The following LRP1 variants were observed in gnomAD, a reference collection of about 807,000 sequenced individuals.
LRP1 encodes the protein prolow-density lipoprotein receptor-related protein 1.
LRP1 carries 51 observed loss-of-function variants against 541.5 expected under a neutral mutation model. The ratio of observed to expected loss-of-function variants is 0.09; its 90% CI spans 0.08 to 0.12. LRP1 has a LOEUF of 0.12. Ranked by LOEUF, LRP1 falls within the 10% of genes least tolerant of loss-of-function variation. LRP1 has a pLI of 1.00. For synonymous variants in LRP1, 2,219 were observed against 2,470.8 expected, an observed-to-expected ratio of 0.90 and a Z score of 3.02; for missense variants, 3,878 against 6,376.2, an observed-to-expected ratio of 0.61 and a Z score of 13.34.
chr12:57,210,365 T>G lies in LRP1; in HGVS notation c.12639T>G (p.Asn4213Lys), dbSNP rs770309179. 39 of 1,603,386 alleles carry G rather than the reference T, an allele frequency of 2.4e-5. No homozygotes were observed. The highest frequency in any genetic ancestry group is 3.3e-5 in the Non-Finnish European group (39 of 1,173,952). Residue 4213 changes from asparagine (N) to lysine (K), a missense_variant, in exon 82 of 89, where the codon AAT becomes AAG. Physicochemically the swap from Asn to Lys is moderately conservative, Grantham distance 94 (BLOSUM62 0). Transcript: ENST00000243077. Reference sequence around the variant, plus strand: ...TCAACGGTGGCAGCTGTTTCCTCAATGCACGGAGGCAGCCCAAGTGCCGCT... The same window carrying G: ...TCAACGGTGGCAGCTGTTTCCTCAAGGCACGGAGGCAGCCCAAGTGCCGCT... ...QCFNGGSCFL[N>K]ARRQPKCRCQ...
chr12:57,184,263 T>C lies in LRP1; in HGVS notation c.6059+49T>C. The stretch of plus-strand genomic sequence containing the variant: ...TTGTCATTCTGCCCATGGCCCATGC[T>C]GATGAGGCCCTGTCTCCTCCAGGGT... On this transcript the variant is annotated intron_variant, in intron 37 of 88. Transcript: ENST00000243077. The surrounding 1 kb of genome is among the most constrained non-coding windows in gnomAD (Gnocchi z 7.8). The C allele has an allele frequency of 1.9e-6, 3 of 1,613,710 alleles. No individual in the cohort carries two copies. The highest frequency in any genetic ancestry group is 2.7e-5 in the African/African-American group (2 of 75,054).
In LRP1 at chr12:57,179,200, C is replaced by G; in HGVS notation, c.4739-129C>G. On this transcript the variant is annotated intron_variant, in intron 28 of 88. Transcript: ENST00000243077. The surrounding 1 kb of genome is among the most constrained non-coding windows in gnomAD (Gnocchi z 6.8). The stretch of plus-strand genomic sequence containing the variant: ...GGTCTGCCAGGGGGGCTGCACCCAG[C>G]GGGGTATGTCCACGGAGCCAAGGGC... 2.6e-6 allele frequency: 3 copies of G among 1,157,728 alleles called. No individual in the cohort carries two copies. Among genetic ancestry groups the G allele is most frequent in the Middle Eastern group, 4.3e-4 (2 of 4,634 alleles). The allele number at this position is 1,157,728 out of a possible 1,614,324, so 71.7% of individuals were successfully genotyped here. A position where few individuals can be genotyped will look rare whatever the true frequency, so the allele number is the denominator to read the frequency against.
intron 42 of LRP1, 132 bp downstream of exon 42, chr12:57,187,588 T>C: frequency 1.1e-6 from 1 of 880,136 alleles, no homozygotes; most frequent in Non-Finnish European, 1.7e-6. Flanking sequence ...CCCTGCTGTG[T>C]GATCTGGGGA....
chr12:57,173,124 T>G lies in LRP1; in HGVS notation c.3164-44T>G, dbSNP rs1385247125. The G allele has an allele frequency of 1.3e-6, 2 of 1,528,204 alleles. No individual in the cohort carries two copies. The highest frequency in any genetic ancestry group is 4.5e-5 in the East Asian group (2 of 44,062). 94.7% of individuals were successfully genotyped at this position (1,528,204 alleles called of 1,614,324 possible). A position where few individuals can be genotyped will look rare whatever the true frequency, so the allele number is the denominator to read the frequency against. ...GGCACAGGGATGAGGAGGGCTGACC[T>G]GGGCAACCCCTCCCTCCTGAGGCCC... On this transcript the variant is annotated intron_variant, in intron 20 of 88. Coordinates refer to ENST00000243077, the MANE Select transcript of LRP1 (RefSeq NM_002332.3). This position sits in a 1 kb window ranked among gnomAD's most constrained non-coding sequence, Gnocchi z 4.7.
In LRP1 at chr12:57,202,359, G is replaced by A. The variant is rs564402943; in HGVS notation, c.10595-62G>A. On this transcript the variant is annotated intron_variant, in intron 67 of 88. Transcript: ENST00000243077. ...CTGCCAGGCCAGCCTGACCATGCCTGCTTGGACCCTAATGTCTGCCCCAGC... is the reference window on the plus strand; with the variant it reads ...CTGCCAGGCCAGCCTGACCATGCCTACTTGGACCCTAATGTCTGCCCCAGC... The A allele has an allele frequency of 1.9e-5, 25 of 1,314,090 alleles. No individual in the cohort carries two copies. In the African/African-American group the frequency reaches 2.7e-4, roughly 14 times the overall value. 81.4% of individuals were successfully genotyped at this position (1,314,090 alleles called of 1,614,324 possible). A position where few individuals can be genotyped will look rare whatever the true frequency, so the allele number is the denominator to read the frequency against.
chr12:57,212,060 C>T lies in LRP1; in HGVS notation c.13349+43C>T. 1 of 1,613,256 alleles carries T rather than the reference C, an allele frequency of 6.2e-7. No individual in the cohort carries two copies. Among genetic ancestry groups the T allele is most frequent in the Non-Finnish European group, 8.5e-7 (1 of 1,179,406 alleles). On this transcript the variant is annotated intron_variant, in intron 87 of 88. Coordinates refer to ENST00000243077, the MANE Select transcript of LRP1 (RefSeq NM_002332.3). This position sits in a 1 kb window ranked among gnomAD's most constrained non-coding sequence, Gnocchi z 5.0. ...TGGAACATTCTGGTCATTATTTTGC[C>T]ATCCTAGCCTTCCCCCCCAATAATC... is the stretch of plus-strand genomic sequence containing the variant.
In LRP1 at chr12:57,210,857, C is replaced by T; in HGVS notation, c.12894C>T (p.Phe4298=). 1.2e-6 allele frequency: 2 copies of T among 1,612,578 alleles called. No homozygotes were observed. The highest frequency in any genetic ancestry group is 1.7e-6 in the Non-Finnish European group (2 of 1,179,468). The change falls in exon 83 of 89, where the codon TTC becomes TTT. Residue 4298 remains phenylalanine (F), a synonymous_variant. Transcript: ENST00000243077. ...CCCAGTGCCGATGCCTACCCGGCTT[C>T]CTGGGCGACCGCTGCCAGTACCGTG... is the stretch of plus-strand genomic sequence containing the variant. ...NQPQCRCLPG[F]LGDRCQYRQC...
Position 57,204,536 on chromosome 12 carries a change from T to C in LRP1, c.11071+7T>C. 6.2e-7 allele frequency: 1 copy of C among 1,605,750 alleles called. No individual in the cohort carries two copies. Among genetic ancestry groups the C allele is most frequent in the African/African-American group, 1.3e-5 (1 of 74,890 alleles). On this transcript the variant is annotated splice_region_variant and intron_variant, in intron 71 of 88. Coordinates refer to ENST00000243077, the MANE Select transcript of LRP1 (RefSeq NM_002332.3). This position sits in a 1 kb window ranked among gnomAD's most constrained non-coding sequence, Gnocchi z 5.3. Reference sequence around the variant, plus strand: ...GAGAACCCCGAGGAGTGTGGTGAGATTTGGGGCGGGGCTCCCAGGCTTCCC... The same window carrying C: ...GAGAACCCCGAGGAGTGTGGTGAGACTTGGGGCGGGGCTCCCAGGCTTCCC...
chr12:57,184,756 G>A lies in LRP1; in HGVS notation c.6187-83G>A, dbSNP rs1592641271. 2.7e-6 allele frequency: 4 copies of A among 1,472,026 alleles called. No homozygotes were observed. Among genetic ancestry groups the A allele is most frequent in the East Asian group, 4.7e-5 (2 of 42,676 alleles). The allele number at this position is 1,472,026 out of a possible 1,614,324, so 91.2% of individuals were successfully genotyped here. On this transcript the variant is annotated intron_variant, in intron 38 of 88. Transcript: ENST00000243077. This position sits in a 1 kb window ranked among gnomAD's most constrained non-coding sequence, Gnocchi z 7.8. ...AGGCTGAACTGAGGGCCTCACTCTG[G>A]CCCAGGCACTCCCTGCTGCCCCAGA...
At chr12:57,129,130 GCCTTTTGTTATCCCAGTCCAGCTGACA>G (rs1279749332) in intron 1 of LRP1, 99 bp downstream of exon 1, 1 of 1,293,304 alleles carries the variant, frequency 7.7e-7, no homozygotes, top group Non-Finnish European at 1.1e-6. Flanking sequence ...GGGAGGGGGT[GCCTTTTGTTATCCCAGTCCAGCTGACA>G]CAGCAGCGGC....
rs1038982720 is a variant in LRP1 at position 57,212,196 on chromosome 12, G to A, written c.13429G>A (p.Glu4477Lys). The A allele has an allele frequency of 1.9e-6, 3 of 1,614,014 alleles. No homozygotes were observed. The highest frequency in any genetic ancestry group is 1.7e-6 in the Non-Finnish European group (2 of 1,180,026). The change falls in exon 88 of 89, where the codon GAA becomes AAA. Residue 4477 changes from glutamate (E) to lysine (K), a missense_variant. Physicochemically the swap from Glu to Lys is moderately conservative, Grantham distance 56 (BLOSUM62 1). Around this residue, in one of 13 missense-constraint regions of LRP1, gnomAD observed 871 missense variants for 1,212.4 expected, o/e 0.72. Coordinates refer to ENST00000243077, the MANE Select transcript of LRP1 (RefSeq NM_002332.3). This position sits in a 1 kb window ranked among gnomAD's most constrained non-coding sequence, Gnocchi z 5.0. ...EIGNPTYKMYEGGEPDDVGGL... is the reference protein window; with the variant it reads ...EIGNPTYKMYKGGEPDDVGGL... ...TGGAAACCCCACCTACAAGATGTACGAAGGCGGAGAGCCTGATGATGTGGG... is the reference window on the plus strand; with the variant it reads ...TGGAAACCCCACCTACAAGATGTACAAAGGCGGAGAGCCTGATGATGTGGG...
At position 57,210,515 on chromosome 12, in the gene LRP1, C is replaced by A. The variant is rs561159955; in HGVS notation, c.12754+35C>A. 105 of 1,513,468 alleles carry A rather than the reference C, an allele frequency of 6.9e-5. No individual in the cohort carries two copies. In the South Asian group the frequency reaches 1.3e-3, roughly 19 times the overall value. 93.8% of individuals were successfully genotyped at this position (1,513,468 alleles called of 1,614,324 possible). A position where few individuals can be genotyped will look rare whatever the true frequency, so the allele number is the denominator to read the frequency against. On this transcript the variant is annotated intron_variant, in intron 82 of 88. Coordinates refer to ENST00000243077, the MANE Select transcript of LRP1 (RefSeq NM_002332.3). ...CTCATCCCGCCACGCCTGCTCCTTG[C>A]CCCTGGGCCCCAGCCCCGCCACCCA...
chr12:57,205,044 G>C lies in LRP1; in HGVS notation c.11195-65G>C. On this transcript the variant is annotated intron_variant, in intron 72 of 88. Transcript: ENST00000243077. The surrounding 1 kb of genome is among the most constrained non-coding windows in gnomAD (Gnocchi z 4.6). ...GGAATTGGGAGCCACTGTTATCTAT[G>C]GGGTTGCCGTGGGAGGAGGAGGCAG... 2 of 1,547,106 alleles carry C rather than the reference G, an allele frequency of 1.3e-6. No individual in the cohort carries two copies.
At chr12:57,155,476 C>CAG (rs1436809500) in intron 8 of LRP1, 1 of 154,258 alleles carries the variant, frequency 6.5e-6, no homozygotes, top group African/African-American at 2.4e-5. Context: ...ATCACTGTGC[C>CAG]AGACACGGAT....
chr12:57,157,404 C>T (rs1483651105), intron 10 of LRP1, among the ~76,000 whole-genome samples: 1 of 152,108 alleles, frequency 6.6e-6, no homozygotes, highest in Non-Finnish European at 1.5e-5. Context: ...TGAGGTGAGG[C>T]GTTCCACACC....
chr12:57,175,127 A>C (rs2036016864), intron 22 of LRP1, among the ~76,000 whole-genome samples: 1 of 152,112 alleles, frequency 6.6e-6, no homozygotes, highest in South Asian at 2.1e-4. Flanking sequence ...GGTCCCTCCC[A>C]GGGAGGCAAA....
chr12:57,176,710 C>T (rs973132072), intron 24 of LRP1, among the ~76,000 whole-genome samples: 3 of 152,210 alleles, frequency 2.0e-5, no homozygotes, highest in African/African-American at 7.2e-5. Flanking sequence ...ATGATATCCA[C>T]ACTGTGCAAC....
chr12:57,197,756 G>C lies in LRP1; in HGVS notation c.9282+92G>C. The stretch of plus-strand genomic sequence containing the variant: ...CCTTCCCGCCCCACCAACCCAAATT[G>C]CTTCCTTCTCACTCCACTAGTCACT... On this transcript the variant is annotated intron_variant, in intron 58 of 88. Transcript: ENST00000243077. The surrounding 1 kb of genome is among the most constrained non-coding windows in gnomAD (Gnocchi z 4.5). The C allele has an allele frequency of 3.4e-6, 5 of 1,487,316 alleles. No individual in the cohort carries two copies. The highest frequency in any genetic ancestry group is 4.6e-6 in the Non-Finnish European group (5 of 1,095,352). 92.1% of individuals were successfully genotyped at this position (1,487,316 alleles called of 1,614,324 possible).
chr12:57,169,042 T>C (rs1316455145), intron 19 of LRP1, 98 bp from the exon 20 acceptor site: 2 of 1,040,108 alleles, frequency 1.9e-6, no homozygotes. Flanking sequence ...TAGGGTGGGC[T>C]GAGGGTGGGT....
Sources: gnomAD v4.1 joint callset for allele counts (sites outside exome capture counted in the v4.1 genomes callset) on GRCh38, gnomAD v4.1.1 for gene constraint, gnomAD v4.1.1 regional missense constraint, Gnocchi (gnomAD v3.1) non-coding constraint, MANE v1.5 for transcripts, NCBI Gene and HGNC (gene_info 2026-07-23, HGNC 2026-07-21) for gene names.